The following MED15 variants were observed in gnomAD, a reference collection of about 807,000 sequenced individuals.
The protein encoded by MED15 is mediator of RNA polymerase II transcription subunit 15.
In MED15, 41 loss-of-function variants were observed where a neutral mutation model predicts 118.7. That is an observed-to-expected ratio of 0.35 (90% confidence interval 0.27 to 0.45). MED15 has a LOEUF of 0.45. Among genes scored for constraint, MED15 ranks in the 20% least tolerant of loss-of-function variants. MED15 has a pLI of 1.00. For synonymous variants in MED15, 436 were observed against 413.9 expected, an observed-to-expected ratio of 1.05 and a Z score of -0.65; for missense variants, 740 against 1,025.5, an observed-to-expected ratio of 0.72 and a Z score of 3.80.
At chr22:20,525,505 G>C (rs936712363) in intron 1 of MED15, among the ~76,000 whole-genome samples, 12 of 149,352 alleles carry the variant, frequency 8.0e-5, no homozygotes, top group Non-Finnish European at 1.8e-4. Flanking sequence ...ATGAGCCATT[G>C]AGCCTGGCCA....
chr22:20,554,177 GGC>G (rs1036416872), intron 4 of MED15: 8 of 152,400 alleles, frequency 5.2e-5, no homozygotes, highest in African/African-American at 1.9e-4. Flanking sequence ...AAGGGCATGT[GGC>G]CAGAACATCT....
intron 5 of MED15, among the ~76,000 whole-genome samples, chr22:20,555,438 T>TA (rs1447323626): frequency 6.6e-6 from 1 of 152,156 alleles, no homozygotes; most frequent in African/African-American, 2.4e-5. Context: ...CTGAAATAGA[T>TA]ACAGTGTGTT....
intron 1 of MED15, among the ~76,000 whole-genome samples, chr22:20,535,000 C>T (rs922539358): frequency 2.0e-5 from 3 of 152,162 alleles, no homozygotes; most frequent in Non-Finnish European, 4.4e-5. Context: ...TTCTGTCGCC[C>T]AGGCTGGAGT....
Position 20,583,708 on chromosome 22 carries a change from C to T in MED15, c.1736+315C>T. The T allele has an allele frequency of 1.1e-5, 4 of 369,822 alleles. No homozygotes were observed. In the South Asian group the frequency reaches 1.3e-4, roughly 12 times the overall value. The allele number at this position is 369,822 out of a possible 1,614,324, so 22.9% of individuals were successfully genotyped here. A position where few individuals can be genotyped will look rare whatever the true frequency, so the allele number is the denominator to read the frequency against. On this transcript the variant is annotated intron_variant, in intron 13 of 17. Transcript: ENST00000263205. Reference sequence around the variant, plus strand: ...CTGACCATCAGCTGGCCCAGATGGGCCTGAGCCTGACCTGGAGTTCTGCCC... The same window carrying T: ...CTGACCATCAGCTGGCCCAGATGGGTCTGAGCCTGACCTGGAGTTCTGCCC...
At chr22:20,567,346 G>A (rs2056480808) in intron 7 of MED15, among the ~76,000 whole-genome samples, 1 of 152,166 alleles carries the variant, frequency 6.6e-6, no homozygotes, top group South Asian at 2.1e-4. Context: ...CACAAAGCCA[G>A]TCTACTCAGT....
At chr22:20,522,273 C>G (rs2054490242) in intron 1 of MED15, 1 of 152,108 alleles carries the variant, frequency 6.6e-6, no homozygotes, top group East Asian at 1.9e-4. Context: ...GAACAGTGTT[C>G]CCAAGTGGTA....
At chr22:20,575,367 C>CT in intron 9 of MED15, 135 bp downstream of exon 9, 2 of 1,160,686 alleles carry the variant, frequency 1.7e-6, no homozygotes, top group South Asian at 3.8e-5. Flanking sequence ...ACCCACAGTC[C>CT]CTTTTTTTTT....
At position 20,564,628 on chromosome 22, in the gene MED15, CCAGCAGCAGCAGCAG is replaced by C. The variant is rs374794651; in HGVS notation, c.642_656del (p.Gln214_Gln218del). The C allele has an allele frequency of 8.1e-6, 13 of 1,606,582 alleles. No individual in the cohort carries two copies. Among genetic ancestry groups the C allele is most frequent in the Non-Finnish European group, 1.1e-5 (13 of 1,175,182 alleles). Reference sequence around the variant, plus strand: ...CAGTAGTGCAGCAGCAGCAGCAGCTCCAGCAGCAGCAGCAGCAGCAGCAGCATCTAATTAAATTGC... The same window carrying C: ...CAGTAGTGCAGCAGCAGCAGCAGCTCCAGCAGCAGCATCTAATTAAATTGC... On this transcript the variant is annotated inframe_deletion, in exon 6 of 18. Transcript: ENST00000263205.
At chr22:20,538,766 C>T (rs1569194559) in intron 2 of MED15, among the ~76,000 whole-genome samples, 1 of 152,102 alleles carries the variant, frequency 6.6e-6, no homozygotes, top group Non-Finnish European at 1.5e-5. Flanking sequence ...GTGGCACAAT[C>T]TCAGCTCACT....
At chr22:20,550,579 G>A (rs543128909) in intron 2 of MED15, among the ~76,000 whole-genome samples, 2 of 152,376 alleles carry the variant, frequency 1.3e-5, no homozygotes, top group East Asian at 3.9e-4. Flanking sequence ...TGGGTGAGCA[G>A]GGCACGGAGC....
chr22:20,578,725 G>A (rs937763244), intron 9 of MED15, among the ~76,000 whole-genome samples: 6 of 152,210 alleles, frequency 3.9e-5, no homozygotes, highest in African/African-American at 1.4e-4. Flanking sequence ...CCACTCTGTG[G>A]CCACTGTCCC....
chr22:20,551,382 C>A, intron 2 of MED15, 54 bp from the exon 3 acceptor site: 1 of 1,534,314 alleles, frequency 6.5e-7, no homozygotes, highest in South Asian at 1.1e-5. Flanking sequence ...AGGGGGAGTC[C>A]GATGACTGCG....
chr22:20,552,905 G>C (rs1479668404), intron 3 of MED15, among the ~76,000 whole-genome samples: 2 of 152,168 alleles, frequency 1.3e-5, no homozygotes, highest in East Asian at 3.9e-4. Flanking sequence ...CTTCAGCCTT[G>C]GGGGCAGCTC....
intron 1 of MED15, chr22:20,522,792 C>T (rs1287002532): frequency 6.6e-6 from 1 of 152,530 alleles, no homozygotes; most frequent in Non-Finnish European, 1.5e-5. Context: ...TGGATGAAAC[C>T]TGTCTGCCTA....
chr22:20,571,028 G>GCA, intron 8 of MED15, among the ~76,000 whole-genome samples: 1 of 152,176 alleles, frequency 6.6e-6, no homozygotes, highest in South Asian at 2.1e-4. Context: ...CCTAAGTGTT[G>GCA]GGATTACAGG....
Position 20,555,335 on chromosome 22 carries a change from G to A in MED15, c.451+187G>A, listed in dbSNP as rs571331532. ...CCAATTTTCGTTGAGCTCCCAGAAG[G>A]GTTAAGTGATGCTGGGCCCTCCTCC... On this transcript the variant is annotated intron_variant, in intron 5 of 17. Transcript: ENST00000263205. Among the ~76,000 whole-genome samples the A allele has an allele frequency of 7.9e-5, 12 of 152,284 alleles. No individual in the cohort carries two copies. The South Asian group carries it at 2.3e-3, about 29-fold the overall frequency.
intron 1 of MED15, among the ~76,000 whole-genome samples, chr22:20,535,097 A>G (rs2055014723): frequency 6.6e-6 from 1 of 152,100 alleles, no homozygotes; most frequent in Non-Finnish European, 1.5e-5. Flanking sequence ...AGCTGGGACC[A>G]CAGGTGCCTG....
chr22:20,517,690 G>A (rs1379976324), intron 1 of MED15, among the ~76,000 whole-genome samples: 1 of 152,124 alleles, frequency 6.6e-6, no homozygotes, highest in Non-Finnish European at 1.5e-5. Flanking sequence ...GGGATTCCTA[G>A]ATCTGTCCAG....
At chr22:20,576,728 A>G (rs2056833855) in intron 9 of MED15, among the ~76,000 whole-genome samples, 1 of 152,222 alleles carries the variant, frequency 6.6e-6, no homozygotes, top group African/African-American at 2.4e-5. Flanking sequence ...TGTGGTGGAA[A>G]GGAGGCCAGT....
Sources: allele counts gnomAD v4.1 joint callset (sites outside exome capture counted in the v4.1 genomes callset), GRCh38; gene constraint gnomAD v4.1.1; transcripts MANE v1.5; gene names NCBI Gene and HGNC (gene_info 2026-07-23, HGNC 2026-07-21).